The following CCDC7 variants were observed in gnomAD, a reference collection of about 807,000 sequenced individuals.
CCDC7 encodes coiled-coil domain containing 7.
Under a neutral mutation model 196.9 loss-of-function variants are expected in CCDC7, and 183 were observed. That is an observed-to-expected ratio of 0.93 (90% CI 0.82 to 1.05). The LOEUF is 1.05. CCDC7 is among the 50% of genes least tolerant of loss of function. The pLI, the probability that CCDC7 is intolerant of heterozygous loss-of-function variation, is 0.00. For missense variants in CCDC7, 1,540 were observed against 1,482.2 expected, an observed-to-expected ratio of 1.04 and a Z score of -0.64; for synonymous variants, 525 against 484.6, an observed-to-expected ratio of 1.08 and a Z score of -1.10.
intron 15 of CCDC7, among the ~76,000 whole-genome samples, chr10:32,570,263 C>G (rs988300972): frequency 1.3e-5 from 2 of 152,106 alleles, no homozygotes; most frequent in African/African-American, 4.8e-5. Context: ...TCTTCTTTTC[C>G]TTTGTCTTGA....
At chr10:32,812,414 T>A (rs2087361071) in intron 30 of CCDC7, among the ~76,000 whole-genome samples, 1 of 152,012 alleles carries the variant, frequency 6.6e-6, no homozygotes, top group South Asian at 2.1e-4. Flanking sequence ...TATAACCATG[T>A]CTTTATTATT....
At chr10:32,853,961 G>A (rs1410808630) in intron 40 of CCDC7, among the ~76,000 whole-genome samples, 3 of 152,038 alleles carry the variant, frequency 2.0e-5, no homozygotes, top group Non-Finnish European at 4.4e-5. Context: ...ATTGAGGTTT[G>A]GGATATGACT....
intron 24 of CCDC7, among the ~76,000 whole-genome samples, chr10:32,703,937 T>G (rs1349457688): frequency 6.6e-6 from 1 of 152,076 alleles, no homozygotes; most frequent in Non-Finnish European, 1.5e-5. Flanking sequence ...TCAAGGTTTT[T>G]AACTTCTTTG....
At chr10:32,590,995 C>T (rs575211556) in intron 18 of CCDC7, among the ~76,000 whole-genome samples, 1 of 152,074 alleles carries the variant, frequency 6.6e-6, no homozygotes, top group East Asian at 1.9e-4. Flanking sequence ...CTATAACATT[C>T]TTGTTCTTGA....
intron 9 of CCDC7, among the ~76,000 whole-genome samples, chr10:32,510,941 A>G (rs375502896): frequency 0.011 from 1,619 of 151,180 alleles, 23 homozygotes; most frequent in African/African-American, 0.036. Context: ...ATTTCAGCCT[A>G]CAGATAGCAT....
chr10:32,807,592 A>C (rs2086109080), intron 30 of CCDC7, among the ~76,000 whole-genome samples: 1 of 152,072 alleles, frequency 6.6e-6, no homozygotes, highest in African/African-American at 2.4e-5. Flanking sequence ...GAGGCAGCTG[A>C]CCTAAGTAGG....
At chr10:32,724,234 T>C (rs1177120694) in intron 25 of CCDC7, among the ~76,000 whole-genome samples, 1 of 152,154 alleles carries the variant, frequency 6.6e-6, no homozygotes, top group African/African-American at 2.4e-5. Flanking sequence ...AAAGGATTCA[T>C]TGGCATCATC....
intron 13 of CCDC7, among the ~76,000 whole-genome samples, chr10:32,546,547 G>T (rs564555732): frequency 6.6e-6 from 1 of 152,066 alleles, no homozygotes; most frequent in East Asian, 1.9e-4. Context: ...ATGTGCAAGC[G>T]TACAAGTATG....
intron 5 of CCDC7, among the ~76,000 whole-genome samples, chr10:32,470,696 A>G (rs1020623418): frequency 2.0e-5 from 3 of 152,188 alleles, no homozygotes; most frequent in Admixed American, 6.5e-5. Flanking sequence ...CTGTCTTTAG[A>G]TAATTTACTA....
At chr10:32,820,014 G>C (rs1005868806) in intron 31 of CCDC7, among the ~76,000 whole-genome samples, 2 of 152,190 alleles carry the variant, frequency 1.3e-5, no homozygotes, top group Non-Finnish European at 2.9e-5. Context: ...TAGGAAAAGA[G>C]GAAGTCACAT....
intron 24 of CCDC7, among the ~76,000 whole-genome samples, chr10:32,711,022 C>T (rs556119174): frequency 3.9e-5 from 6 of 152,220 alleles, no homozygotes; most frequent in Admixed American, 2.6e-4. Flanking sequence ...ACTGTATGTA[C>T]AGCCATGTGT....
At chr10:32,629,436 T>C (rs1288224424) in intron 18 of CCDC7, among the ~76,000 whole-genome samples, 3 of 152,030 alleles carry the variant, frequency 2.0e-5, no homozygotes, top group Admixed American at 6.6e-5. Flanking sequence ...CTCCCACAGA[T>C]AGGTGATTTG....
chr10:32,854,484 A>G, exon 41 of CCDC7: 1 of 1,526,104 alleles, frequency 6.6e-7, no homozygotes, highest in South Asian at 1.1e-5. Flanking sequence ...AAACCTACCT[A>G]TAAAGGTAAA....
At chr10:32,749,633 C>T (rs943432520) in intron 28 of CCDC7, among the ~76,000 whole-genome samples, 1 of 152,034 alleles carries the variant, frequency 6.6e-6, no homozygotes, top group Non-Finnish European at 1.5e-5. Flanking sequence ...ATATTTTTGT[C>T]CAGTTAAACA....
chr10:32,492,924 T>G (rs1246371812), intron 9 of CCDC7, among the ~76,000 whole-genome samples: 1 of 152,166 alleles, frequency 6.6e-6, no homozygotes, highest in Non-Finnish European at 1.5e-5. Flanking sequence ...TAAACTCATT[T>G]AATTTCTTTT....
chr10:32,777,404 G>T (rs566327857), intron 28 of CCDC7, among the ~76,000 whole-genome samples: 1 of 152,202 alleles, frequency 6.6e-6, no homozygotes, highest in African/African-American at 2.4e-5. Flanking sequence ...GCCAGGAATG[G>T]GATTGCCGAG....
chr10:32,536,053 G>A (rs2050436807), intron 11 of CCDC7, among the ~76,000 whole-genome samples: 1 of 152,136 alleles, frequency 6.6e-6, no homozygotes, highest in Non-Finnish European at 1.5e-5. Context: ...GAGAGAAAAG[G>A]TCAAAGTTTA....
intron 25 of CCDC7, among the ~76,000 whole-genome samples, chr10:32,723,048 G>T (rs34961109): frequency 5.9e-5 from 9 of 152,042 alleles, no homozygotes; most frequent in Non-Finnish European, 1.2e-4. Context: ...AAGGAATAGC[G>T]CTTTATTAAT....
At chr10:32,464,191 T>C (rs2036283540) in intron 5 of CCDC7, among the ~76,000 whole-genome samples, 1 of 152,168 alleles carries the variant, frequency 6.6e-6, no homozygotes, top group Non-Finnish European at 1.5e-5. Context: ...CTCTGGAACT[T>C]GTCATTAACT....
Sources: allele counts gnomAD v4.1 joint callset (sites outside exome capture counted in the v4.1 genomes callset), GRCh38; gene constraint gnomAD v4.1.1; transcripts MANE v1.5; gene names NCBI Gene and HGNC (gene_info 2026-07-23, HGNC 2026-07-21).